The following WWOX variants were observed in gnomAD, a reference collection of about 807,000 sequenced individuals.
WWOX encodes the protein WW domain containing oxidoreductase.
Under a neutral mutation model 46.2 loss-of-function variants are expected in WWOX, and 69 were observed. The observed-to-expected ratio is 1.49, with a 90% CI of 1.23 to 1.82. WWOX has a LOEUF of 1.82. WWOX is among the 40% of genes most tolerant of loss of function. WWOX has a pLI of 0.00. For missense variants in WWOX, 919 were observed against 542.6 expected, an observed-to-expected ratio of 1.69 and a Z score of -6.89; for synonymous variants, 359 against 202.6, an observed-to-expected ratio of 1.77 and a Z score of -6.56.
At chr16:78,906,543 G>A (rs538023012) in intron 8 of WWOX, among the ~76,000 whole-genome samples, 1 of 152,134 alleles carries the variant, frequency 6.6e-6, no homozygotes. Context: ...GTAGTCCACG[G>A]CTTCCAAAGA....
At chr16:79,123,085 TG>T in intron 8 of WWOX, among the ~76,000 whole-genome samples, 1 of 152,316 alleles carries the variant, frequency 6.6e-6, no homozygotes, top group African/African-American at 2.4e-5. Flanking sequence ...GGAAAAGGTC[TG>T]GTCTTGTAAT....
chr16:78,289,742 G>C (rs532586591), intron 5 of WWOX, among the ~76,000 whole-genome samples: 1 of 152,230 alleles, frequency 6.6e-6, no homozygotes, highest in South Asian at 2.1e-4. Flanking sequence ...TTGCAGTCTT[G>C]TTTTCTTTTA....
intron 8 of WWOX, among the ~76,000 whole-genome samples, chr16:78,862,363 A>G (rs2043908603): frequency 6.6e-6 from 1 of 151,196 alleles, no homozygotes; most frequent in South Asian, 2.1e-4. Flanking sequence ...ATATATAAAC[A>G]CTATAGTATA....
intron 8 of WWOX, among the ~76,000 whole-genome samples, chr16:78,631,227 A>T (rs559273093): frequency 3.0e-4 from 45 of 152,258 alleles, no homozygotes; most frequent in African/African-American, 1.1e-3. Flanking sequence ...CACATTTAGG[A>T]GTGGATGCAG....
chr16:78,690,941 G>C (rs957500948), intron 8 of WWOX, among the ~76,000 whole-genome samples: 1 of 152,134 alleles, frequency 6.6e-6, no homozygotes, highest in Non-Finnish European at 1.5e-5. Context: ...GGTTTCTGTA[G>C]TGTTTATCCA....
In WWOX at chr16:78,099,819, G is replaced by T. The variant is rs1653822064; in HGVS notation, c.41G>T (p.Ser14Ile). 2 of 1,579,452 alleles carry T rather than the reference G, an allele frequency of 1.3e-6. No individual in the cohort carries two copies. Among genetic ancestry groups the T allele is most frequent in the East Asian group, 2.3e-5 (1 of 42,616 alleles). The change falls in exon 1 of 9, where the codon AGT becomes ATT. Residue 14 changes from serine to isoleucine, a missense_variant. Coordinates refer to ENST00000566780, the MANE Select transcript of WWOX (RefSeq NM_016373.4). Reference sequence around the variant, plus strand: ...TACGCGGGGCTGGACGACACGGACAGTGAGGACGAGCTGCCTCCGGGCTGG... The same window carrying T: ...TACGCGGGGCTGGACGACACGGACATTGAGGACGAGCTGCCTCCGGGCTGG... ...LRYAGLDDTD[S>I]EDELPPGWEE... is the part of the protein sequence containing the mutation.
intron 8 of WWOX, among the ~76,000 whole-genome samples, chr16:78,844,493 T>A (rs575601560): frequency 6.6e-6 from 1 of 152,050 alleles, no homozygotes; most frequent in African/African-American, 2.4e-5. Flanking sequence ...ATGAATCTCA[T>A]AATGGAAAAC....
intron 8 of WWOX, among the ~76,000 whole-genome samples, chr16:78,924,485 G>T (rs1468435541): frequency 1.3e-5 from 2 of 152,192 alleles, no homozygotes; most frequent in African/African-American, 2.4e-5. Context: ...TGTCTTCGCT[G>T]CAGGCTACTT....
At chr16:78,916,949 G>A (rs2045265821) in intron 8 of WWOX, among the ~76,000 whole-genome samples, 1 of 152,166 alleles carries the variant, frequency 6.6e-6, no homozygotes, top group South Asian at 2.1e-4. Flanking sequence ...TAAACTTTAA[G>A]GACCTGGTTC....
chr16:78,455,668 A>C (rs2151417935), intron 8 of WWOX, among the ~76,000 whole-genome samples: 1 of 150,718 alleles, frequency 6.6e-6, no homozygotes, highest in East Asian at 2.0e-4. Context: ...AAAAAAAAAA[A>C]AATCAAAATT....
chr16:79,052,038 ATT>A (rs200049742), intron 8 of WWOX, among the ~76,000 whole-genome samples: 1 of 145,590 alleles, frequency 6.9e-6, no homozygotes, highest in Admixed American at 6.8e-5. Context: ...TTTTATTTTA[ATT>A]TTTTTTTTTT....
chr16:78,181,465 T>A (rs1157024519), intron 5 of WWOX, among the ~76,000 whole-genome samples: 1 of 152,178 alleles, frequency 6.6e-6, no homozygotes, highest in Non-Finnish European at 1.5e-5. Context: ...TATCAATACT[T>A]TGCAAAGGAG....
intron 5 of WWOX, among the ~76,000 whole-genome samples, chr16:78,380,279 A>G (rs1034025258): frequency 6.6e-6 from 1 of 152,200 alleles, no homozygotes; most frequent in African/African-American, 2.4e-5. Context: ...GGAATATGGA[A>G]TAGCAATTGA....
At chr16:78,542,212 G>A (rs767894983) in intron 8 of WWOX, among the ~76,000 whole-genome samples, 5 of 151,848 alleles carry the variant, frequency 3.3e-5, no homozygotes, top group Non-Finnish European at 5.9e-5. Context: ...CCAGCCCTCC[G>A]TAAACACTGC....
intron 8 of WWOX, among the ~76,000 whole-genome samples, chr16:78,946,770 T>G (rs1293609950): frequency 6.9e-6 from 1 of 145,802 alleles, no homozygotes; most frequent in Non-Finnish European, 1.5e-5. Context: ...GAATTGGCAG[T>G]GAGCCCCCGG....
intron 7 of WWOX, among the ~76,000 whole-genome samples, chr16:78,431,892 T>C (rs2083226503): frequency 6.6e-6 from 1 of 152,014 alleles, no homozygotes; most frequent in Non-Finnish European, 1.5e-5. Context: ...AATTGTTTAT[T>C]TTTTGTAGAC....
chr16:79,185,594 G>A (rs763207366), intron 8 of WWOX, among the ~76,000 whole-genome samples: 4 of 152,138 alleles, frequency 2.6e-5, no homozygotes, highest in Admixed American at 6.5e-5. Context: ...AAAGACAGGC[G>A]CGTCTGTCTT....
At chr16:78,601,399 G>A (rs1333041147) in intron 8 of WWOX, among the ~76,000 whole-genome samples, 1 of 149,774 alleles carries the variant, frequency 6.7e-6, no homozygotes, top group Non-Finnish European at 1.5e-5. Flanking sequence ...GGGCAACTGT[G>A]TTGCCTTCCT....
chr16:78,697,847 AC>A (rs2048133803), intron 8 of WWOX, among the ~76,000 whole-genome samples: 1 of 152,056 alleles, frequency 6.6e-6, no homozygotes, highest in Non-Finnish European at 1.5e-5. Flanking sequence ...TCCTGACAAT[AC>A]CCCATGAAGG....
Sources: allele counts gnomAD v4.1 joint callset (sites outside exome capture counted in the v4.1 genomes callset), GRCh38; gene constraint gnomAD v4.1.1; transcripts MANE v1.5; gene names NCBI Gene and HGNC (gene_info 2026-07-23, HGNC 2026-07-21).